Variants in RBM33 observed in about 807,000 individuals in gnomAD.
The protein encoded by RBM33 is RNA-binding protein 33.
In RBM33, 28 loss-of-function variants were observed where a neutral mutation model predicts 132.6. The observed-to-expected ratio is 0.21, with a 90% CI of 0.16 to 0.29. RBM33 has a LOEUF of 0.29. Ranked by LOEUF, RBM33 falls within the 10% of genes least tolerant of loss-of-function variation. The pLI is 1.00. For synonymous variants in RBM33, 634 were observed against 593.0 expected (o/e 1.07, Z -1.01); for missense variants, 1,291 against 1,518.5 (o/e 0.85, Z 2.49).
At chr7:155,701,393 A>G (rs776841194) in intron 6 of RBM33, 10 of 177,810 alleles carry the variant, frequency 5.6e-5, no homozygotes, top group Non-Finnish European at 1.2e-4. Flanking sequence ...TGTTTTCTGC[A>G]GTTCCTCTGA....
intron 2 of RBM33, among the ~76,000 whole-genome samples, chr7:155,668,064 A>C (rs976406511): frequency 9.2e-5 from 14 of 152,340 alleles, no homozygotes; most frequent in African/African-American, 3.4e-4. Flanking sequence ...TATCTAAAAA[A>C]ATTCCTTATT....
In RBM33 at chr7:155,778,725, C is replaced by T. The variant is rs1036824473; in HGVS notation, c.*3684C>T. On this transcript the variant is annotated 3_prime_UTR_variant, in exon 18 of 18. Coordinates refer to ENST00000401878, the MANE Select transcript of RBM33 (RefSeq NM_053043.3). The surrounding 1 kb of genome is among the most constrained non-coding windows in gnomAD (Gnocchi z 4.0). ...GGATGGGTTTGAAGAACTCATCACT[C>T]ATCACTTGTTTTCTTTTGGCTTTTG... 6.6e-6 allele frequency: 1 copy of T among 152,286 alleles called. No individual in the cohort carries two copies. The highest frequency in any genetic ancestry group is 1.9e-4 in the East Asian group (1 of 5,196). The allele number at this position is 152,286 out of a possible 1,614,324, so 9.4% of individuals were successfully genotyped here.
rs1313527769 is a variant in RBM33, at chr7:155,780,424, G to C, written c.*5383G>C. On this transcript the variant is annotated 3_prime_UTR_variant, in exon 18 of 18. Coordinates refer to ENST00000401878, the MANE Select transcript of RBM33 (RefSeq NM_053043.3). ...ACCACAGCAGCAAAGCACAGAGTGT[G>C]ACCTTTTTCATGTCTGAGCTGATTC... 1 of 152,218 alleles carries C rather than the reference G, an allele frequency of 6.6e-6. No homozygotes were observed. Among genetic ancestry groups the C allele is most frequent in the African/African-American group, 2.4e-5 (1 of 41,432 alleles). The allele number at this position is 152,218 out of a possible 1,614,324, so 9.4% of individuals were successfully genotyped here.
intron 9 of RBM33, among the ~76,000 whole-genome samples, 183 bp from the exon 10 acceptor site, chr7:155,737,347 A>G (rs966893788): frequency 1.8e-5 from 2 of 113,786 alleles, no homozygotes; most frequent in Admixed American, 8.2e-5. Flanking sequence ...TTAAGGATGC[A>G]TGACTCTGTG....
At chr7:155,760,771 G>A (rs1698848594) in intron 14 of RBM33, among the ~76,000 whole-genome samples, 2 of 152,168 alleles carry the variant, frequency 1.3e-5, no homozygotes. Context: ...GAAAAATTGT[G>A]TACTCAGTAT....
In RBM33 at chr7:155,745,105, G is replaced by T. The variant is rs756039779; in HGVS notation, c.2482G>T (p.Ala828Ser). 2 of 1,598,058 alleles carry T rather than the reference G, an allele frequency of 1.3e-6. No individual in the cohort carries two copies. Among genetic ancestry groups the T allele is most frequent in the Non-Finnish European group, 8.5e-7 (1 of 1,172,046 alleles). Residue 828 changes from alanine to serine, a missense_variant, in exon 14 of 18, where the codon GCG becomes TCG. Coordinates refer to ENST00000401878, the MANE Select transcript of RBM33 (RefSeq NM_053043.3). The surrounding 1 kb of genome is among the most constrained non-coding windows in gnomAD (Gnocchi z 4.1). ...GAAGAAGGAGCTGCTGGAGAGACTC[G>T]CGCAGCAACAGCAGCAGCTGTACGC... ...ARKKELLERL[A>S]QQQQQLYAPP... is the part of the protein sequence containing the mutation.
At position 155,739,818 on chromosome 7, in the gene RBM33, A is replaced by AG; in HGVS notation, c.1842dup (p.Pro615AlafsTer70). The AG allele has an allele frequency of 2.9e-6, 1 of 346,418 alleles. No individual in the cohort carries two copies. Among genetic ancestry groups the AG allele is most frequent in the African/African-American group, 5.9e-5 (1 of 17,082 alleles). 21.5% of individuals were successfully genotyped at this position (346,418 alleles called of 1,614,324 possible). On this transcript the variant is annotated frameshift_variant, in exon 12 of 18. Transcript: ENST00000401878. LOFTEE classifies it high-confidence loss of function. ...CAGCCTCCGCACCAGCCCCCGCACC[A>AG]GCCCCCGCCCCAGCACCAGCCCCCA... is the stretch of plus-strand genomic sequence containing the variant.
At chr7:155,712,420 G>A (rs1026577334) in intron 8 of RBM33, among the ~76,000 whole-genome samples, 3 of 152,200 alleles carry the variant, frequency 2.0e-5, no homozygotes, top group African/African-American at 7.2e-5. Flanking sequence ...ACCAGACAAA[G>A]CTTTCTTCAA....
intron 5 of RBM33, 74 bp from the exon 6 acceptor site, chr7:155,700,699 A>G (rs1799936541): frequency 1.9e-6 from 2 of 1,080,234 alleles, no homozygotes; most frequent in East Asian, 5.2e-5. Flanking sequence ...TAAATATTTT[A>G]GCATTCTTTA....
At chr7:155,694,408 A>G (rs1314631561) in intron 5 of RBM33, among the ~76,000 whole-genome samples, 1 of 152,208 alleles carries the variant, frequency 6.6e-6, no homozygotes, top group African/African-American at 2.4e-5. Flanking sequence ...GGAAGAAATG[A>G]GAGAAGCTTT....
intron 10 of RBM33, 130 bp downstream of exon 10, chr7:155,737,792 T>C: frequency 9.2e-7 from 1 of 1,087,914 alleles, no homozygotes; most frequent in East Asian, 2.6e-5. Flanking sequence ...TTTTGTACCA[T>C]AGCAGTTCTG....
rs1427805506 is a variant in RBM33 at position 155,781,173 on chromosome 7, G to A, written c.*6132G>A. ...GGGCGAAGCTGTGTTGACTGGGAGA[G>A]CGTTGGAAATTGAGACATGGAGAGA... is the stretch of plus-strand genomic sequence containing the variant. On this transcript the variant is annotated 3_prime_UTR_variant, in exon 18 of 18. Coordinates refer to ENST00000401878, the MANE Select transcript of RBM33 (RefSeq NM_053043.3). 1.3e-5 allele frequency: 2 copies of A among 152,862 alleles called. No individual in the cohort carries two copies. The highest frequency in any genetic ancestry group is 2.9e-5 in the Non-Finnish European group (2 of 68,222). 9.5% of individuals were successfully genotyped at this position (152,862 alleles called of 1,614,324 possible).
intron 5 of RBM33, among the ~76,000 whole-genome samples, chr7:155,692,352 T>C (rs1799668176): frequency 6.6e-6 from 1 of 152,158 alleles, no homozygotes; most frequent in African/African-American, 2.4e-5. Context: ...TAGCTGCAGG[T>C]TTTGTGAGCA....
chr7:155,696,198 T>C (rs1799790256), intron 5 of RBM33, among the ~76,000 whole-genome samples: 1 of 152,240 alleles, frequency 6.6e-6, no homozygotes. Flanking sequence ...AATTTTATTC[T>C]TCCTTTAATT....
intron 14 of RBM33, among the ~76,000 whole-genome samples, chr7:155,758,717 G>C (rs1801932701): frequency 6.6e-6 from 1 of 152,286 alleles, no homozygotes; most frequent in East Asian, 1.9e-4. Context: ...TTTGTAGGAA[G>C]AGTCTTTCCT....
At chr7:155,663,209 C>CT (rs11441610) in intron 1 of RBM33, among the ~76,000 whole-genome samples, 87,580 of 143,656 alleles carry the variant, frequency 0.61, 27,897 homozygotes, top group South Asian at 0.77. Context: ...TTCTTTCTTT[C>CT]TTTTTTTTTT....
chr7:155,705,924 T>C (rs143382016), intron 6 of RBM33, among the ~76,000 whole-genome samples: 1 of 152,332 alleles, frequency 6.6e-6, no homozygotes, highest in East Asian at 1.9e-4. Context: ...TCTGCATGCA[T>C]ATGAGAAGGC....
chr7:155,715,902 A>G (rs1190124679), intron 8 of RBM33, among the ~76,000 whole-genome samples: 4 of 152,216 alleles, frequency 2.6e-5, no homozygotes, highest in African/African-American at 9.6e-5. Context: ...AAAGCTAGCA[A>G]TATATATACA....
At chr7:155,676,056 A>G (rs1262019713) in intron 3 of RBM33, among the ~76,000 whole-genome samples, 1 of 152,180 alleles carries the variant, frequency 6.6e-6, no homozygotes, top group African/African-American at 2.4e-5. Context: ...CATGATGAGT[A>G]CACTGGCTAC....
Sources: allele counts gnomAD v4.1 joint callset (sites outside exome capture counted in the v4.1 genomes callset), GRCh38; gene constraint gnomAD v4.1.1; non-coding constraint Gnocchi (gnomAD v3.1); transcripts MANE v1.5; gene names NCBI Gene and HGNC (gene_info 2026-07-23, HGNC 2026-07-21).